EBP: variants seen among roughly 807,000 people sequenced by gnomAD.
The protein encoded by EBP is EBP cholestenol delta-isomerase.
In EBP, 1 loss-of-function variant was observed where a neutral mutation model predicts 14.1. That is an observed-to-expected ratio of 0.07 (90% CI 0.03 to 0.34). The LOEUF (loss-of-function observed/expected upper bound fraction) is 0.34. Ranked by LOEUF, EBP falls within the 10% of genes least tolerant of loss-of-function variation. The pLI, the probability that EBP is intolerant of heterozygous loss-of-function variation, is 0.99. For synonymous variants in EBP, 72 were observed against 77.7 expected, an observed-to-expected ratio of 0.93 and a Z score of 0.38; for missense variants, 123 against 184.6, an observed-to-expected ratio of 0.67 and a Z score of 1.93.
chrX:48,525,534 AT>A (rs1187308921), intron 2 of EBP, among the ~76,000 whole-genome samples: 22 of 104,717 alleles, frequency 2.1e-4, no homozygotes, highest in South Asian at 1.7e-3. Flanking sequence ...CCACCAAGTT[AT>A]TTTTTTTTTA....
intron 2 of EBP, among the ~76,000 whole-genome samples, chrX:48,525,059 G>A (rs1426513953): frequency 1.8e-5 from 2 of 112,185 alleles, no homozygotes; most frequent in Non-Finnish European, 3.8e-5. Flanking sequence ...GAGATTTGCA[G>A]TGAAAATCTG....
At chrX:48,522,408 C>G (rs1323778557) in intron 1 of EBP, among the ~76,000 whole-genome samples, 2 of 111,839 alleles carry the variant, frequency 1.8e-5, no homozygotes, top group African/African-American at 3.3e-5. Context: ...ACCGTGACCC[C>G]GGAGCACAGG....
At chrX:48,526,330 T>TTTTC (rs1556977447) in intron 2 of EBP, among the ~76,000 whole-genome samples, 1 of 106,677 alleles carries the variant, frequency 9.4e-6, no homozygotes, top group African/African-American at 3.5e-5. Flanking sequence ...TGGATGATCT[T>TTTTC]TTTCTTTCTT....
chrX:48,525,433 T>G (rs1454830612), intron 2 of EBP, among the ~76,000 whole-genome samples: 1 of 111,469 alleles, frequency 9.0e-6, no homozygotes, highest in African/African-American at 3.3e-5. Flanking sequence ...GTGGCATGAT[T>G]ATAGCTCACT....
chrX:48,524,198 A>G, intron 2 of EBP, 126 bp downstream of exon 2: 2 of 724,646 alleles, frequency 2.8e-6, no homozygotes, highest in Non-Finnish European at 4.0e-6. Context: ...AATCTTTTAA[A>G]AAATTTATTA....
chrX:48,528,402 A>C lies in EBP; in HGVS notation c.638A>C (p.His213Pro). The change falls in exon 5 of 5, where the codon CAT becomes CCT. Residue 213 changes from histidine to proline, a missense_variant. Physicochemically the swap from His to Pro is moderately conservative, Grantham distance 77 (BLOSUM62 -2). Coordinates refer to ENST00000495186, the MANE Select transcript of EBP (RefSeq NM_006579.3). ...LVLDAVKHLT[H>P]AQSTLDAKAT... ...CTTGATGCTGTGAAGCACCTCACTC[A>C]TGCCCAGAGCACGCTGGATGCCAAG... The C allele has an allele frequency of 8.5e-7, 1 of 1,181,022 alleles. No individual in the cohort carries two copies. Among genetic ancestry groups the C allele is most frequent in the South Asian group, 1.9e-5 (1 of 53,436 alleles).
chrX:48,528,603 A>AG lies in EBP; in HGVS notation c.*150dup, dbSNP rs199907187. ...TGGGCAGGCACAAGAAGGGGAATAA[A>AG]GGGGCTGTGTGAAGGCACTGCTGGG... On this transcript the variant is annotated 3_prime_UTR_variant, in exon 5 of 5. Coordinates refer to ENST00000495186, the MANE Select transcript of EBP (RefSeq NM_006579.3). 3,631 of 563,174 alleles carry AG rather than the reference A, an allele frequency of 6.4e-3. 115 individuals carry two copies. In the African/African-American group the frequency reaches 0.072, roughly 11 times the overall value. 46.4% of individuals were successfully genotyped at this position (563,174 alleles called of 1,213,427 possible). A position where few individuals can be genotyped will look rare whatever the true frequency, so the allele number is the denominator to read the frequency against.
Position 48,523,711 on chromosome X carries a change from CT to C in EBP, c.-43del, listed in dbSNP as rs782299900. 0.16 allele frequency: 119,579 copies of C among 748,681 alleles called. 3 individuals are homozygous for C. Among genetic ancestry groups the C allele is most frequent in the Non-Finnish European group, 0.17 (94,553 of 551,379 alleles). The allele number at this position is 748,681 out of a possible 1,213,427, so 61.7% of individuals were successfully genotyped here. ...TCTATTTGTCCAGGTTTTTCTGTTC[CT>C]TTTTTTTTTTTTTTTTTAACTTCCT... is the stretch of plus-strand genomic sequence containing the variant. On this transcript the variant is annotated 5_prime_UTR_variant, in exon 2 of 5. Transcript: ENST00000495186.
intron 1 of EBP, 134 bp from the exon 2 acceptor site, chrX:48,523,565 A>AC: frequency 6.6e-6 from 3 of 455,639 alleles, no homozygotes; most frequent in Non-Finnish European, 1.1e-5. Context: ...AAAAAAAAAA[A>AC]AAAAACGGAA....
chrX:48,524,796 G>A (rs782477072), intron 2 of EBP: 1 of 108,568 alleles, frequency 9.2e-6, no homozygotes, highest in Non-Finnish European at 1.9e-5. Context: ...TCAAGCGATC[G>A]TCTTGCCTCA....
intron 4 of EBP, 34 bp downstream of exon 4, chrX:48,527,319 T>C (rs367905193): frequency 8.3e-7 from 1 of 1,209,845 alleles, no homozygotes; most frequent in Non-Finnish European, 1.1e-6. Context: ...CACTGGGCAC[T>C]AGAGGGGTTG....
rs937199153 is a variant in EBP at position 48,527,594 on chromosome X, C to T, written c.469+309C>T. On this transcript the variant is annotated intron_variant, in intron 4 of 4. Coordinates refer to ENST00000495186, the MANE Select transcript of EBP (RefSeq NM_006579.3). The stretch of plus-strand genomic sequence containing the variant: ...CTCCAGGATCAGGGCTCTGAGATCC[C>T]TTCATGTAAGATTCTGTCATATTTT... 3 of 341,100 alleles carry T rather than the reference C, an allele frequency of 8.8e-6. No individual in the cohort carries two copies. In the East Asian group the frequency reaches 1.7e-4, roughly 19 times the overall value. The allele number at this position is 341,100 out of a possible 1,213,427, so 28.1% of individuals were successfully genotyped here.
chrX:48,528,551 C>T lies in EBP; in HGVS notation c.*94C>T. ...GCTCCCACAGTTTGGAGGGACAAAGCTAATTGATCTGTCACACTCAGGCTC... is the reference window on the plus strand; with the variant it reads ...GCTCCCACAGTTTGGAGGGACAAAGTTAATTGATCTGTCACACTCAGGCTC... On this transcript the variant is annotated 3_prime_UTR_variant, in exon 5 of 5. Transcript: ENST00000495186. 1 of 818,717 alleles carries T rather than the reference C, an allele frequency of 1.2e-6. No homozygotes were observed. The highest frequency in any genetic ancestry group is 1.8e-6 in the Non-Finnish European group (1 of 565,959). 67.5% of individuals were successfully genotyped at this position (818,717 alleles called of 1,213,427 possible). A position where few individuals can be genotyped will look rare whatever the true frequency, so the allele number is the denominator to read the frequency against.
chrX:48,526,412 G>C (rs1463861138), intron 2 of EBP, among the ~76,000 whole-genome samples: 1 of 103,187 alleles, frequency 9.7e-6, no homozygotes, highest in Non-Finnish European at 2.0e-5. Context: ...TGCTATCATA[G>C]CTCACTGCAG....
chrX:48,526,711 T>C (rs957302898), intron 2 of EBP: 1 of 406,087 alleles, frequency 2.5e-6, no homozygotes, highest in African/African-American at 2.5e-5. Flanking sequence ...CATTGGCTAC[T>C]TCACTCACTC....
chrX:48,522,971 C>CTA (rs2147153856), intron 1 of EBP, among the ~76,000 whole-genome samples: 1 of 109,402 alleles, frequency 9.1e-6, no homozygotes, highest in Non-Finnish European at 1.9e-5. Context: ...CCGCGCCCGG[C>CTA]CTTCTTTTTT....
rs782266010 is a variant in EBP at position 48,522,753 on chromosome X, G to C, written c.-74+846G>C. On this transcript the variant is annotated intron_variant, in intron 1 of 4. Coordinates refer to ENST00000495186, the MANE Select transcript of EBP (RefSeq NM_006579.3). ...AGTGGCATGACCCCGGCTCACTGCA[G>C]CCTCTGCCTCCCAGGTTCAAGCGAT... Among the ~76,000 whole-genome samples, 3 of 111,882 alleles carry C rather than the reference G, an allele frequency of 2.7e-5. No individual in the cohort carries two copies. The South Asian group carries it at 1.1e-3, about 42-fold the overall frequency.
chrX:48,526,807 A>G (rs1361825065), intron 2 of EBP, 182 bp from the exon 3 acceptor site: 2 of 510,977 alleles, frequency 3.9e-6, no homozygotes, highest in Non-Finnish European at 6.8e-6. Flanking sequence ...GGCTTTACAC[A>G]TATTACCTTG....
intron 2 of EBP, among the ~76,000 whole-genome samples, chrX:48,525,929 GTCTAAA>G (rs1178853251): frequency 4.6e-5 from 5 of 107,969 alleles, no homozygotes; most frequent in Non-Finnish European, 9.6e-5. Flanking sequence ...TCTACTAAAA[GTCTAAA>G]AATTAGCTGG....
Sources: allele counts gnomAD v4.1 joint callset (sites outside exome capture counted in the v4.1 genomes callset), GRCh38; gene constraint gnomAD v4.1.1; transcripts MANE v1.5; gene names NCBI Gene and HGNC (gene_info 2026-07-23, HGNC 2026-07-21).